Variants in HIPK2 observed in about 807,000 individuals in gnomAD.
HIPK2 encodes the protein homeodomain interacting protein kinase 2, also known as homeodomain-interacting protein kinase 2.
HIPK2 carries 27 observed loss-of-function variants against 113.7 expected under a neutral mutation model. That is an observed-to-expected ratio of 0.24 (90% CI 0.17 to 0.33). The LOEUF (loss-of-function observed/expected upper bound fraction) is 0.33. Among genes scored for constraint, HIPK2 ranks in the 10% least tolerant of loss-of-function variants. The probability of loss-of-function intolerance (pLI) is 1.00; values close to 1 mark genes in which losing one functional copy is unlikely to be tolerated. For synonymous variants in HIPK2, 631 were observed against 642.2 expected (o/e 0.98, Z 0.26); for missense variants, 1,257 against 1,588.0 (o/e 0.79, Z 3.54).
At chr7:139,581,027 C>A (rs1325947949) in intron 13 of HIPK2, among the ~76,000 whole-genome samples, 4 of 151,968 alleles carry the variant, frequency 2.6e-5, no homozygotes, top group African/African-American at 9.7e-5. Context: ...CGAGACCAGC[C>A]TGGCTAACGC....
intron 2 of HIPK2, among the ~76,000 whole-genome samples, chr7:139,669,741 A>G (rs1802196379): frequency 6.6e-6 from 1 of 152,356 alleles, no homozygotes; most frequent in African/African-American, 2.4e-5. Context: ...AACTACAATT[A>G]CGCTAGGCTA....
chr7:139,751,192 T>C (rs1290664540), intron 1 of HIPK2, among the ~76,000 whole-genome samples: 2 of 135,002 alleles, frequency 1.5e-5, no homozygotes, highest in African/African-American at 7.2e-5. Context: ...ATTTAGAGAA[T>C]AGTATAGTTA....
chr7:139,645,202 T>C (rs1302166924), intron 2 of HIPK2, among the ~76,000 whole-genome samples: 1 of 152,172 alleles, frequency 6.6e-6, no homozygotes, highest in Non-Finnish European at 1.5e-5. Context: ...CTTTGGGGTA[T>C]TTTCTTTCCT....
At chr7:139,697,549 C>A (rs917216734) in intron 2 of HIPK2, among the ~76,000 whole-genome samples, 11 of 151,912 alleles carry the variant, frequency 7.2e-5, no homozygotes, top group Non-Finnish European at 1.6e-4. Context: ...TGGTAAAAAT[C>A]TCATCCCATT....
intron 1 of HIPK2, among the ~76,000 whole-genome samples, chr7:139,722,231 A>T (rs556503270): frequency 1.2e-4 from 19 of 152,226 alleles, no homozygotes; most frequent in Admixed American, 1.3e-4. Context: ...ACAAATGAAA[A>T]ATAGCACCTA....
At chr7:139,638,656 C>CTTTTTGTTTTTTTTTTTTTT (rs1800894819) in intron 2 of HIPK2, among the ~76,000 whole-genome samples, 1 of 130,262 alleles carries the variant, frequency 7.7e-6, no homozygotes, top group African/African-American at 3.0e-5. Flanking sequence ...AAATAATTGT[C>CTTTTTGTTTTTTTTTTTTTT]TTTTTTTTTT....
chr7:139,760,649 C>T (rs1162029371), intron 1 of HIPK2, among the ~76,000 whole-genome samples: 2 of 152,122 alleles, frequency 1.3e-5, no homozygotes, highest in East Asian at 3.9e-4. Context: ...TTTTTCCATA[C>T]CAGAAAAAGG....
chr7:139,753,436 C>T (rs1037034227), intron 1 of HIPK2, among the ~76,000 whole-genome samples: 6 of 152,172 alleles, frequency 3.9e-5, no homozygotes, highest in African/African-American at 1.4e-4. Flanking sequence ...ACCACACCAT[C>T]GCACACATCT....
rs191959717 is a variant in HIPK2, at chr7:139,614,508, G to C, written c.1783-15C>G. 3.1e-3 allele frequency: 4,195 copies of C among 1,342,222 alleles called. 11 individuals carry two copies. The highest frequency in any genetic ancestry group is 3.7e-3 in the Non-Finnish European group (3,836 of 1,032,644). The allele number at this position is 1,342,222 out of a possible 1,614,324, so 83.1% of individuals were successfully genotyped here. A position where few individuals can be genotyped will look rare whatever the true frequency, so the allele number is the denominator to read the frequency against. ...GAGGAGGGAGCCTAAAGGAGTGATG[G>C]GGATTAAACAAAAATAAACAAAAAT... is the stretch of plus-strand genomic sequence containing the variant. On this transcript the variant is annotated splice_polypyrimidine_tract_variant and intron_variant, in intron 7 of 14. Transcript: ENST00000406875.
Position 139,646,985 on chromosome 7 carries a change from T to C in HIPK2, c.1104-15260A>G, listed in dbSNP as rs114462421. Among the ~76,000 whole-genome samples, 621 of 152,176 alleles carry C rather than the reference T, an allele frequency of 4.1e-3. 2 individuals carry two copies. Among genetic ancestry groups the C allele is most frequent in the Non-Finnish European group, 4.9e-3 (332 of 67,990 alleles). On this transcript the variant is annotated intron_variant, in intron 2 of 14. Coordinates refer to ENST00000406875, the MANE Select transcript of HIPK2 (RefSeq NM_022740.5). The stretch of plus-strand genomic sequence containing the variant: ...CTGGCCTGGCTCTCATGGAAAGCCT[T>C]TGAAGCTTTCTACTCAAACCTTACC...
Position 139,630,978 on chromosome 7 carries a change from A to C in HIPK2, c.1347+187T>G, listed in dbSNP as rs1800592134. On this transcript the variant is annotated intron_variant, in intron 4 of 14. Transcript: ENST00000406875. The surrounding 1 kb of genome is among the most constrained non-coding windows in gnomAD (Gnocchi z 4.0). ...AGCAATCATAAGGTTGGACTCTCACAGGCGGCGATAGGCCAAGGGAAAGAG... is the reference window on the plus strand; with the variant it reads ...AGCAATCATAAGGTTGGACTCTCACCGGCGGCGATAGGCCAAGGGAAAGAG... The C allele has an allele frequency of 3.8e-6, 1 of 265,590 alleles. No homozygotes were observed. The highest frequency in any genetic ancestry group is 2.3e-5 in the African/African-American group (1 of 43,700). The allele number at this position is 265,590 out of a possible 1,614,324, so 16.5% of individuals were successfully genotyped here.
At chr7:139,696,717 A>AG (rs1794578292) in intron 2 of HIPK2, among the ~76,000 whole-genome samples, 1 of 152,214 alleles carries the variant, frequency 6.6e-6, no homozygotes, top group Non-Finnish European at 1.5e-5. Context: ...ATAAAAGTAA[A>AG]GGGGGCGGGG....
intron 11 of HIPK2, 57 bp from the exon 12 acceptor site, chr7:139,597,055 C>A (rs938910317): frequency 1.3e-6 from 2 of 1,524,240 alleles, no homozygotes; most frequent in South Asian, 2.5e-5. Flanking sequence ...ACAACTCCTT[C>A]GAAGGAGCCC....
chr7:139,565,083 C>T lies in HIPK2; in HGVS notation c.*7844G>A, dbSNP rs1380611723. ...CAGAGAATTCATAGTCTTTAAATTC[C>T]AAGATCAAGCTGGCTACATGATTTC... On this transcript the variant is annotated 3_prime_UTR_variant, in exon 15 of 15. Coordinates refer to ENST00000406875, the MANE Select transcript of HIPK2 (RefSeq NM_022740.5). 2 of 151,772 alleles carry T rather than the reference C, an allele frequency of 1.3e-5. No individual in the cohort carries two copies. Among genetic ancestry groups the T allele is most frequent in the Non-Finnish European group, 2.9e-5 (2 of 67,970 alleles). 9.4% of individuals were successfully genotyped at this position (151,772 alleles called of 1,614,324 possible).
At chr7:139,624,689 C>CT (rs952306865) in intron 6 of HIPK2, among the ~76,000 whole-genome samples, 2 of 152,176 alleles carry the variant, frequency 1.3e-5, no homozygotes, top group African/African-American at 4.8e-5. Flanking sequence ...CTTCCTTTCC[C>CT]TTTGGGCAAA....
chr7:139,643,261 C>G (rs1801089005), intron 2 of HIPK2, among the ~76,000 whole-genome samples: 1 of 152,148 alleles, frequency 6.6e-6, no homozygotes, highest in African/African-American at 2.4e-5. Flanking sequence ...TGGACAGTCT[C>G]TTAAAGGATG....
intron 1 of HIPK2, among the ~76,000 whole-genome samples, chr7:139,776,626 C>T (rs1337342659): frequency 6.6e-6 from 1 of 151,958 alleles, no homozygotes; most frequent in African/African-American, 2.4e-5. Context: ...GGGGGACCCA[C>T]GCTAAAAGTA....
At chr7:139,653,868 G>A (rs1226928147) in intron 2 of HIPK2, among the ~76,000 whole-genome samples, 1 of 151,984 alleles carries the variant, frequency 6.6e-6, no homozygotes, top group Non-Finnish European at 1.5e-5. Context: ...GAGTAGCTGG[G>A]GTTAAAGGTG....
intron 2 of HIPK2, among the ~76,000 whole-genome samples, chr7:139,662,304 A>C (rs1430607380): frequency 1.3e-5 from 2 of 152,234 alleles, no homozygotes; most frequent in Non-Finnish European, 2.9e-5. Flanking sequence ...ATGTACTTTT[A>C]GCAGGAAAGC....
Sources: allele counts gnomAD v4.1 joint callset (sites outside exome capture counted in the v4.1 genomes callset), GRCh38; gene constraint gnomAD v4.1.1; non-coding constraint Gnocchi (gnomAD v3.1); transcripts MANE v1.5; gene names NCBI Gene and HGNC (gene_info 2026-07-23, HGNC 2026-07-21).